AUTS2: variants seen among roughly 807,000 people sequenced by gnomAD.
AUTS2 encodes autism susceptibility gene 2 protein.
In AUTS2, 17 loss-of-function variants were observed where a neutral mutation model predicts 112.4. That is an observed-to-expected ratio of 0.15 (90% CI 0.10 to 0.23). The LOEUF (loss-of-function observed/expected upper bound fraction) is 0.23, where lower values mean the gene tolerates loss of function less well. AUTS2 is among the 10% of genes least tolerant of loss of function. The pLI is 1.00. For synonymous variants in AUTS2, 751 were observed against 702.7 expected (o/e 1.07, Z -1.09); for missense variants, 1,510 against 1,701.6 (o/e 0.89, Z 1.98).
intron 4 of AUTS2, among the ~76,000 whole-genome samples, chr7:70,233,933 C>T (rs527293514): frequency 6.6e-6 from 1 of 152,328 alleles, no homozygotes; most frequent in African/African-American, 2.4e-5. Context: ...GATTGTCATA[C>T]AGAGTGAGAT....
chr7:69,924,708 C>T (rs1268207419), intron 2 of AUTS2, among the ~76,000 whole-genome samples: 3 of 152,100 alleles, frequency 2.0e-5, no homozygotes, highest in Admixed American at 6.6e-5. Flanking sequence ...TGCGCCACCA[C>T]GCCCAGCTAA....
intron 1 of AUTS2, among the ~76,000 whole-genome samples, chr7:69,660,888 C>T (rs1403908704): frequency 2.0e-5 from 3 of 152,320 alleles, no homozygotes; most frequent in African/African-American, 2.4e-5. Flanking sequence ...GAGCTGAGAT[C>T]GCGCCACTGC....
chr7:70,475,192 T>C (rs1421229383), intron 5 of AUTS2, among the ~76,000 whole-genome samples: 7 of 152,168 alleles, frequency 4.6e-5, no homozygotes, highest in Admixed American at 2.6e-4. Context: ...TCTTTTTTTA[T>C]AGGAAGGCAA....
chr7:69,671,947 T>G (rs1796347629), intron 1 of AUTS2, among the ~76,000 whole-genome samples: 2 of 152,104 alleles, frequency 1.3e-5, no homozygotes, highest in Non-Finnish European at 2.9e-5. Context: ...TAAAGCCATG[T>G]TAAGGCTTCT....
chr7:70,272,832 A>G (rs1187733211), intron 4 of AUTS2, among the ~76,000 whole-genome samples: 1 of 152,152 alleles, frequency 6.6e-6, no homozygotes, highest in African/African-American at 2.4e-5. Flanking sequence ...CTAGAAAGAC[A>G]CTAAGTTAAG....
At chr7:70,243,494 G>A (rs1398806956) in intron 4 of AUTS2, among the ~76,000 whole-genome samples, 2 of 152,040 alleles carry the variant, frequency 1.3e-5, no homozygotes, top group Non-Finnish European at 2.9e-5. Context: ...CAACTGTTGA[G>A]ACATTTCAGT....
chr7:69,715,283 A>AAT (rs1798551007), intron 1 of AUTS2, among the ~76,000 whole-genome samples: 1 of 151,864 alleles, frequency 6.6e-6, no homozygotes, highest in African/African-American at 2.4e-5. Flanking sequence ...GAGTAACTGT[A>AAT]ATCCAGCTGT....
intron 1 of AUTS2, among the ~76,000 whole-genome samples, chr7:69,873,575 A>G (rs919073904): frequency 6.6e-6 from 1 of 152,128 alleles, no homozygotes; most frequent in Non-Finnish European, 1.5e-5. Flanking sequence ...TGGCCAGTCA[A>G]TGTGAGTGAC....
At chr7:70,537,620 G>T (rs1302488720) in intron 5 of AUTS2, among the ~76,000 whole-genome samples, 2 of 152,196 alleles carry the variant, frequency 1.3e-5, no homozygotes, top group Non-Finnish European at 2.9e-5. Flanking sequence ...GAGGATGTTG[G>T]ATCTGAGAGA....
At position 70,426,450 on chromosome 7, in the gene AUTS2, A is replaced by T. The variant is rs531968766; in HGVS notation, c.661-9302A>T. On this transcript the variant is annotated intron_variant, in intron 4 of 18. Transcript: ENST00000342771. ...CTTGTATTTTACCAGGCCCATTATG[A>T]ACGCAATCTTTCTGTTGAAAATTTG... Among the ~76,000 whole-genome samples, 4 of 152,310 alleles carry T rather than the reference A, an allele frequency of 2.6e-5. No homozygotes were observed. The East Asian group carries it at 5.8e-4, about 22-fold the overall frequency.
intron 1 of AUTS2, among the ~76,000 whole-genome samples, chr7:69,735,584 C>G (rs535962737): frequency 6.6e-6 from 1 of 152,314 alleles, no homozygotes; most frequent in Non-Finnish European, 1.5e-5. Context: ...TAGGTGGAAG[C>G]TGGCTGAGGG....
intron 2 of AUTS2, among the ~76,000 whole-genome samples, chr7:70,022,131 G>A (rs759639285): frequency 2.0e-5 from 3 of 149,674 alleles, no homozygotes; most frequent in Non-Finnish European, 4.4e-5. Flanking sequence ...ATATTTTCCA[G>A]TCTGTCATAA....
intron 2 of AUTS2, among the ~76,000 whole-genome samples, chr7:69,973,681 A>G (rs1454672734): frequency 6.6e-6 from 1 of 152,024 alleles, no homozygotes; most frequent in Non-Finnish European, 1.5e-5. Context: ...TTCTGTGTTA[A>G]TTGATATAAT....
intron 4 of AUTS2, among the ~76,000 whole-genome samples, chr7:70,207,191 C>A (rs1183955338): frequency 6.6e-6 from 1 of 152,112 alleles, no homozygotes; most frequent in Non-Finnish European, 1.5e-5. Context: ...TTACTTTGGA[C>A]TTTCTATAGG....
intron 5 of AUTS2, among the ~76,000 whole-genome samples, chr7:70,652,657 G>A (rs1806568611): frequency 6.6e-6 from 1 of 152,186 alleles, no homozygotes; most frequent in Non-Finnish European, 1.5e-5. Context: ...GGCTGAGGCA[G>A]GAGGATCATT....
intron 1 of AUTS2, among the ~76,000 whole-genome samples, chr7:69,629,453 G>T (rs1204541069): frequency 1.3e-5 from 2 of 152,138 alleles, no homozygotes; most frequent in Non-Finnish European, 2.9e-5. Context: ...AGGTAGCTGA[G>T]CCTGGGTGAG....
At chr7:70,041,861 C>CT (rs1271921417) in intron 2 of AUTS2, among the ~76,000 whole-genome samples, 2 of 152,026 alleles carry the variant, frequency 1.3e-5, no homozygotes, top group South Asian at 2.1e-4. Flanking sequence ...GTTTTATTAT[C>CT]TTTTTTTGCT....
At chr7:70,364,591 A>G (rs1172283380) in intron 4 of AUTS2, among the ~76,000 whole-genome samples, 1 of 148,868 alleles carries the variant, frequency 6.7e-6, no homozygotes, top group Non-Finnish European at 1.5e-5. Flanking sequence ...ATAAATAAAT[A>G]AATAAATAAA....
chr7:69,770,890 A>G (rs1788635314), intron 1 of AUTS2, among the ~76,000 whole-genome samples: 1 of 152,176 alleles, frequency 6.6e-6, no homozygotes, highest in Non-Finnish European at 1.5e-5. Context: ...CATGAACACC[A>G]GTAAATTGCA....
Sources: gnomAD v4.1 joint callset for allele counts (sites outside exome capture counted in the v4.1 genomes callset) on GRCh38, gnomAD v4.1.1 for gene constraint, MANE v1.5 for transcripts, NCBI Gene and HGNC (gene_info 2026-07-23, HGNC 2026-07-21) for gene names.